FAM13A: variants seen among roughly 807,000 people sequenced by gnomAD.
The protein encoded by FAM13A is protein FAM13A.
In FAM13A, 76 loss-of-function variants were observed where a neutral mutation model predicts 129.6. The observed-to-expected ratio is 0.59, with a 90% CI of 0.49 to 0.71. FAM13A has a LOEUF of 0.71. Ranked by LOEUF, FAM13A falls within the 30% of genes least tolerant of loss-of-function variation. The pLI is 0.00. For synonymous variants in FAM13A, 443 were observed against 449.9 expected (o/e 0.98, Z 0.20); for missense variants, 1,108 against 1,249.3 (o/e 0.89, Z 1.70).
intron 4 of FAM13A, among the ~76,000 whole-genome samples, chr4:88,977,815 C>T (rs1272625136): frequency 6.6e-6 from 1 of 152,092 alleles, no homozygotes; most frequent in Admixed American, 6.6e-5. Context: ...TCCATCCTTC[C>T]TCACACAGAG....
chr4:88,750,384 G>T (rs372185092), intron 15 of FAM13A, 40 bp downstream of exon 15: 3 of 1,482,806 alleles, frequency 2.0e-6, no homozygotes, highest in African/African-American at 1.4e-5. Flanking sequence ...GATGTTGTGG[G>T]GATGATGCAT....
intron 4 of FAM13A, among the ~76,000 whole-genome samples, chr4:88,963,550 G>A (rs1334162539): frequency 6.6e-6 from 1 of 152,020 alleles, no homozygotes; most frequent in Admixed American, 6.6e-5. Context: ...CACCTGCCTC[G>A]GCCTCCCAAA....
chr4:88,929,386 C>T (rs949878883), intron 5 of FAM13A, among the ~76,000 whole-genome samples: 59 of 152,146 alleles, frequency 3.9e-4, no homozygotes, highest in African/African-American at 1.0e-3. Context: ...TTTTTTGCAA[C>T]GTATTTTCCT....
At chr4:89,032,370 T>C (rs1253517687) in intron 1 of FAM13A, among the ~76,000 whole-genome samples, 1 of 152,186 alleles carries the variant, frequency 6.6e-6, no homozygotes, top group Non-Finnish European at 1.5e-5. Context: ...AGCATATTCA[T>C]GGGGGTGTGT....
chr4:88,848,950 C>T (rs1320946802), intron 7 of FAM13A, among the ~76,000 whole-genome samples: 1 of 152,230 alleles, frequency 6.6e-6, no homozygotes, highest in Non-Finnish European at 1.5e-5. Context: ...AACGTCCTCA[C>T]ATTTGTTGCT....
chr4:88,877,562 G>C (rs528809818), intron 6 of FAM13A, among the ~76,000 whole-genome samples: 1 of 152,170 alleles, frequency 6.6e-6, no homozygotes, highest in African/African-American at 2.4e-5. Flanking sequence ...CATAGGTGTA[G>C]GAAAAGAGGT....
At chr4:88,955,905 C>A (rs1757685320) in intron 4 of FAM13A, among the ~76,000 whole-genome samples, 1 of 151,996 alleles carries the variant, frequency 6.6e-6, no homozygotes, top group Admixed American at 6.6e-5. Flanking sequence ...AAAGAAAAAC[C>A]CATTTTCTGA....
intron 10 of FAM13A, 75 bp downstream of exon 10, chr4:88,787,678 C>A: frequency 7.1e-7 from 1 of 1,409,998 alleles, no homozygotes; most frequent in Non-Finnish European, 9.8e-7. Context: ...GACTATAACA[C>A]AGCGACTAAT....
chr4:88,971,065 G>A lies in FAM13A; in HGVS notation c.605+19908C>T, dbSNP rs189115484. ...CTACTAAAAATACAAAAAATTAGCC[G>A]GGCGTGGTGGCGGGCGCCTGTAGGC... On this transcript the variant is annotated intron_variant, in intron 4 of 23. Transcript: ENST00000264344. Among the ~76,000 whole-genome samples, 390 of 152,226 alleles carry A rather than the reference G, an allele frequency of 2.6e-3. 2 individuals carry two copies. The highest frequency in any genetic ancestry group is 9.0e-3 in the African/African-American group (374 of 41,540).
At chr4:88,796,377 A>G (rs932319910) in intron 8 of FAM13A, among the ~76,000 whole-genome samples, 1 of 152,020 alleles carries the variant, frequency 6.6e-6, no homozygotes, top group Non-Finnish European at 1.5e-5. Context: ...ACTTTTAAAG[A>G]TAGCTGAATA....
At chr4:88,766,291 G>A (rs922541935) in intron 13 of FAM13A, among the ~76,000 whole-genome samples, 1 of 152,092 alleles carries the variant, frequency 6.6e-6, no homozygotes, top group African/African-American at 2.4e-5. Flanking sequence ...AGTATCATGG[G>A]GAAACATGAT....
rs542960278 is a variant in FAM13A, at chr4:88,773,955, T to C, written c.1459-5896A>G. Among the ~76,000 whole-genome samples the C allele has an allele frequency of 2.0e-5, 3 of 152,304 alleles. No individual in the cohort carries two copies. In the South Asian group the frequency reaches 6.2e-4, roughly 32 times the overall value. The stretch of plus-strand genomic sequence containing the variant: ...GGCTCCTTATCCTACTTAAGGTAAC[T>C]GCTAAAGTCCTAAAAATGGCTATGA... On this transcript the variant is annotated intron_variant, in intron 11 of 23. Coordinates refer to ENST00000264344, the MANE Select transcript of FAM13A (RefSeq NM_014883.4).
chr4:88,976,251 A>G (rs1216836521), intron 4 of FAM13A, among the ~76,000 whole-genome samples: 1 of 152,206 alleles, frequency 6.6e-6, no homozygotes, highest in Non-Finnish European at 1.5e-5. Flanking sequence ...CCTGATGACC[A>G]TTAACTGCCA....
chr4:88,887,025 C>T (rs1744538656), intron 6 of FAM13A, among the ~76,000 whole-genome samples: 1 of 152,106 alleles, frequency 6.6e-6, no homozygotes, highest in South Asian at 2.1e-4. Flanking sequence ...GACCATTATT[C>T]TAAATTGAAG....
intron 10 of FAM13A, among the ~76,000 whole-genome samples, chr4:88,783,072 T>C (rs1365671735): frequency 6.6e-6 from 1 of 152,168 alleles, no homozygotes; most frequent in African/African-American, 2.4e-5. Flanking sequence ...GCATAATAAT[T>C]ACATTAAGGT....
In FAM13A at chr4:88,735,319, A is replaced by G. The variant is rs1304839576; in HGVS notation, c.2646+2153T>C. On this transcript the variant is annotated intron_variant, in intron 21 of 23. Coordinates refer to ENST00000264344, the MANE Select transcript of FAM13A (RefSeq NM_014883.4). ...ACCTATACATTTTAAATTACATATT[A>G]TGTAATTAACAAATAATTATAAAAC... is the stretch of plus-strand genomic sequence containing the variant. Among the ~76,000 whole-genome samples the G allele has an allele frequency of 2.0e-5, 3 of 152,230 alleles. No individual in the cohort carries two copies. The South Asian group carries it at 6.2e-4, about 32-fold the overall frequency.
chr4:88,737,011 G>A (rs905307708), intron 21 of FAM13A, among the ~76,000 whole-genome samples: 2 of 152,072 alleles, frequency 1.3e-5, no homozygotes, highest in African/African-American at 4.8e-5. Context: ...TGTTTTATAT[G>A]TTTATATATA....
At chr4:88,855,633 CA>C (rs1738354469) in intron 6 of FAM13A, 1 of 150,246 alleles carries the variant, frequency 6.7e-6, no homozygotes, top group Non-Finnish European at 1.5e-5. Context: ...AGCCAAAAAA[CA>C]AATTGTCACA....
At chr4:88,792,687 G>C (rs1227489828) in intron 8 of FAM13A, among the ~76,000 whole-genome samples, 1 of 152,044 alleles carries the variant, frequency 6.6e-6, no homozygotes, top group Non-Finnish European at 1.5e-5. Context: ...ACCCAGAAGA[G>C]AGTAAAGAAT....
Sources: gnomAD v4.1 joint callset for allele counts (sites outside exome capture counted in the v4.1 genomes callset) on GRCh38, gnomAD v4.1.1 for gene constraint, MANE v1.5 for transcripts, NCBI Gene and HGNC (gene_info 2026-07-23, HGNC 2026-07-21) for gene names.